DLGAP2: variants seen among roughly 807,000 people sequenced by gnomAD.
DLGAP2 encodes the protein DLG associated protein 2.
In DLGAP2, 26 loss-of-function variants were observed where a neutral mutation model predicts 100.3. That is an observed-to-expected ratio of 0.26 (90% CI 0.19 to 0.36). The LOEUF (loss-of-function observed/expected upper bound fraction) is 0.36, where lower values mean the gene tolerates loss of function less well. DLGAP2 is among the 10% of genes least tolerant of loss of function. The pLI, the probability that DLGAP2 is intolerant of heterozygous loss-of-function variation, is 1.00. For missense variants in DLGAP2, 1,858 were observed against 1,453.2 expected (o/e 1.28, Z -4.53); for synonymous variants, 886 against 630.1 (o/e 1.41, Z -6.08).
chr8:1,449,886 G>GTGACTGT (rs1798097121), intron 3 of DLGAP2, among the ~76,000 whole-genome samples: 3 of 106,222 alleles, frequency 2.8e-5, no homozygotes, highest in Non-Finnish European at 5.9e-5. Context: ...CTCGGTGGCT[G>GTGACTGT]AGGCGGAGCT....
chr8:1,659,283 A>G (rs1045023410), intron 8 of DLGAP2, among the ~76,000 whole-genome samples: 2 of 147,292 alleles, frequency 1.4e-5, no homozygotes, highest in African/African-American at 5.1e-5. Context: ...TTTTAGAGTA[A>G]GTGTGATGTG....
intron 4 of DLGAP2, among the ~76,000 whole-genome samples, chr8:1,528,458 A>G (rs558107840): frequency 1.3e-5 from 2 of 152,352 alleles, no homozygotes; most frequent in Non-Finnish European, 2.9e-5. Flanking sequence ...TCTCACATCT[A>G]TGAAAACTTC....
At chr8:1,072,938 T>G (rs2129037686) in intron 2 of DLGAP2, among the ~76,000 whole-genome samples, 1 of 152,346 alleles carries the variant, frequency 6.6e-6, no homozygotes, top group East Asian at 1.9e-4. Context: ...ACTGTATTAA[T>G]TTAATTAGGG....
chr8:998,467 AT>A (rs11354301), intron 2 of DLGAP2, among the ~76,000 whole-genome samples: 23,707 of 142,610 alleles, frequency 0.17, 2,226 homozygotes, highest in Non-Finnish European at 0.23. Context: ...TGCCCAGCTA[AT>A]TTTTTTTTTT....
chr8:1,601,130 C>G (rs188608402), intron 6 of DLGAP2, among the ~76,000 whole-genome samples: 71 of 152,334 alleles, frequency 4.7e-4, no homozygotes, highest in Admixed American at 7.2e-4. Context: ...CATCAGGCCC[C>G]TCTTCTCAGG....
At chr8:1,633,123 G>A in intron 8 of DLGAP2, 77 bp downstream of exon 8, 2 of 1,381,238 alleles carry the variant, frequency 1.4e-6, no homozygotes, top group Non-Finnish European at 2.0e-6. Context: ...GGAGCGAGCA[G>A]CACACAGCAC....
chr8:1,434,888 C>T (rs1284571129), intron 3 of DLGAP2, among the ~76,000 whole-genome samples: 1 of 152,216 alleles, frequency 6.6e-6, no homozygotes, highest in African/African-American at 2.4e-5. Context: ...GTATCATCAT[C>T]CTTCTTATCA....
intron 1 of DLGAP2, among the ~76,000 whole-genome samples, chr8:848,309 G>C (rs1165036348): frequency 6.6e-6 from 1 of 151,560 alleles, no homozygotes; most frequent in East Asian, 1.9e-4. Flanking sequence ...TGCGGTGCCT[G>C]TTCCAGTATA....
intron 4 of DLGAP2, among the ~76,000 whole-genome samples, chr8:1,510,213 G>A (rs1297027208): frequency 6.6e-6 from 1 of 152,206 alleles, no homozygotes; most frequent in Admixed American, 6.5e-5. Flanking sequence ...AAATTAAATA[G>A]AAACAGGCTG....
chr8:929,706 C>CCCTCTAAACAT (rs1798912694), intron 2 of DLGAP2, among the ~76,000 whole-genome samples: 2 of 133,536 alleles, frequency 1.5e-5, no homozygotes, highest in Non-Finnish European at 1.6e-5. Flanking sequence ...ACATCCCACA[C>CCCTCTAAACAT]CGCGGTACTC....
chr8:1,327,552 G>C (rs997455003), intron 3 of DLGAP2, among the ~76,000 whole-genome samples: 2 of 152,150 alleles, frequency 1.3e-5, no homozygotes, highest in Non-Finnish European at 2.9e-5. Flanking sequence ...CAAGTGTAAA[G>C]AAACATGGTG....
intron 2 of DLGAP2, among the ~76,000 whole-genome samples, chr8:1,067,398 G>T (rs988022476): frequency 3.3e-5 from 5 of 152,184 alleles, no homozygotes; most frequent in Non-Finnish European, 7.3e-5. Context: ...AGCATCACCT[G>T]GTGCCTGGGA....
chr8:1,533,584 C>T (rs1801058810), intron 4 of DLGAP2, among the ~76,000 whole-genome samples: 1 of 151,884 alleles, frequency 6.6e-6, no homozygotes, highest in Non-Finnish European at 1.5e-5. Flanking sequence ...TGACTATTTT[C>T]AGGATTTAAA....
intron 6 of DLGAP2, among the ~76,000 whole-genome samples, chr8:1,608,834 T>C (rs949500451): frequency 2.0e-5 from 3 of 150,056 alleles, no homozygotes; most frequent in Admixed American, 1.3e-4. Flanking sequence ...AAGGGAAGGT[T>C]AGAGAAAAAA....
intron 2 of DLGAP2, among the ~76,000 whole-genome samples, chr8:915,287 C>T (rs1798567037): frequency 1.3e-5 from 2 of 152,216 alleles, no homozygotes; most frequent in South Asian, 4.1e-4. Flanking sequence ...GTGGCTCACG[C>T]CTGTAATCCC....
intron 3 of DLGAP2, among the ~76,000 whole-genome samples, chr8:1,458,570 A>G (rs182211201): frequency 3.2e-4 from 48 of 152,344 alleles, no homozygotes; most frequent in African/African-American, 1.1e-3. Context: ...ATGAAACCCT[A>G]CAAATTTCTG....
At chr8:1,428,242 A>T (rs981558177) in intron 3 of DLGAP2, among the ~76,000 whole-genome samples, 1 of 152,124 alleles carries the variant, frequency 6.6e-6, no homozygotes, top group South Asian at 2.1e-4. Flanking sequence ...TTAGAAATAT[A>T]ATTTTTTGAA....
intron 2 of DLGAP2, among the ~76,000 whole-genome samples, chr8:1,046,808 C>A (rs185172045): frequency 2.0e-3 from 311 of 151,744 alleles, no homozygotes; most frequent in African/African-American, 7.3e-3. Context: ...ATTAAATTTT[C>A]TGCTGAATTT....
chr8:1,471,998 G>T (rs1270600355), intron 3 of DLGAP2, among the ~76,000 whole-genome samples: 1 of 152,226 alleles, frequency 6.6e-6, no homozygotes, highest in Non-Finnish European at 1.5e-5. Context: ...TTTAGCGGTG[G>T]TCTCTGTGCC....
Sources: gnomAD v4.1 joint callset for allele counts (sites outside exome capture counted in the v4.1 genomes callset) on GRCh38, gnomAD v4.1.1 for gene constraint, MANE v1.5 for transcripts, NCBI Gene and HGNC (gene_info 2026-07-23, HGNC 2026-07-21) for gene names.